The following SGCZ variants were observed in gnomAD, a reference collection of about 807,000 sequenced individuals.
SGCZ encodes the protein sarcoglycan zeta.
Under a neutral mutation model 41.3 loss-of-function variants are expected in SGCZ, and 40 were observed. That is an observed-to-expected ratio of 0.97 (90% CI 0.75 to 1.26). SGCZ has a LOEUF of 1.26. SGCZ is among the 50% of genes most tolerant of loss of function. The pLI, the probability that SGCZ is intolerant of heterozygous loss-of-function variation, is 0.00. For synonymous variants in SGCZ, 206 were observed against 137.5 expected (o/e 1.50, Z -3.49); for missense variants, 552 against 369.8 (o/e 1.49, Z -4.04).
intron 1 of SGCZ, among the ~76,000 whole-genome samples, chr8:15,076,660 A>G (rs1805542347): frequency 6.6e-6 from 1 of 152,246 alleles, no homozygotes; most frequent in Middle Eastern, 3.4e-3. Context: ...CAAACCAGCC[A>G]GAAGGTAGAG....
At chr8:14,140,757 A>G (rs1803344310) in intron 5 of SGCZ, among the ~76,000 whole-genome samples, 1 of 152,186 alleles carries the variant, frequency 6.6e-6, no homozygotes, top group Admixed American at 6.5e-5. Flanking sequence ...AAGGTAATTT[A>G]TAGATTCAAT....
intron 1 of SGCZ, among the ~76,000 whole-genome samples, chr8:15,234,239 G>A (rs1563199088): frequency 1.3e-5 from 2 of 152,124 alleles, no homozygotes; most frequent in South Asian, 2.1e-4. Flanking sequence ...GTTAAATCTC[G>A]ACTGCTAAAA....
At chr8:14,835,855 T>C (rs1236303072) in intron 1 of SGCZ, among the ~76,000 whole-genome samples, 4 of 152,184 alleles carry the variant, frequency 2.6e-5, no homozygotes, top group African/African-American at 4.8e-5. Context: ...CATTACAAAG[T>C]CTTAAAAATA....
chr8:14,957,684 T>A (rs1454567402), intron 1 of SGCZ, among the ~76,000 whole-genome samples: 4 of 152,044 alleles, frequency 2.6e-5, no homozygotes, highest in African/African-American at 9.7e-5. Context: ...GTAATTATTT[T>A]AATCCCTCTA....
intron 2 of SGCZ, among the ~76,000 whole-genome samples, chr8:14,536,146 G>A (rs1361612435): frequency 6.6e-6 from 1 of 151,826 alleles, no homozygotes; most frequent in African/African-American, 2.4e-5. Flanking sequence ...CATATGAAAA[G>A]TATTTTGAAG....
At chr8:14,212,997 A>C (rs915313775) in intron 4 of SGCZ, among the ~76,000 whole-genome samples, 2 of 152,150 alleles carry the variant, frequency 1.3e-5, no homozygotes, top group Non-Finnish European at 2.9e-5. Context: ...GCATCAAGAC[A>C]GATCAATAGG....
At chr8:14,830,054 C>T (rs1802474344) in intron 1 of SGCZ, among the ~76,000 whole-genome samples, 1 of 152,216 alleles carries the variant, frequency 6.6e-6, no homozygotes, top group South Asian at 2.1e-4. Context: ...TCGTGATCTG[C>T]ACGCCTTGGC....
At chr8:14,547,710 C>T (rs948771673) in intron 2 of SGCZ, among the ~76,000 whole-genome samples, 1 of 151,782 alleles carries the variant, frequency 6.6e-6, no homozygotes, top group Admixed American at 6.7e-5. Context: ...AGATGAAGCA[C>T]CGAAGCCAGA....
intron 3 of SGCZ, among the ~76,000 whole-genome samples, chr8:14,285,946 A>T (rs112085426): frequency 8.5e-5 from 13 of 152,126 alleles, no homozygotes; most frequent in African/African-American, 2.4e-4. Flanking sequence ...TAGGAAACAC[A>T]TATGTTTTTG....
At chr8:14,280,010 C>A (rs919680668) in intron 3 of SGCZ, among the ~76,000 whole-genome samples, 1 of 151,816 alleles carries the variant, frequency 6.6e-6, no homozygotes, top group African/African-American at 2.4e-5. Context: ...ATTTTGCCAC[C>A]ATCTTTTTGA....
intron 2 of SGCZ, among the ~76,000 whole-genome samples, chr8:14,505,044 G>A (rs1170819032): frequency 6.6e-6 from 1 of 151,986 alleles, no homozygotes; most frequent in Non-Finnish European, 1.5e-5. Flanking sequence ...ATAAAATATG[G>A]AGGCTGAGGC....
chr8:15,083,157 G>A (rs185347365), intron 1 of SGCZ, among the ~76,000 whole-genome samples: 2 of 152,142 alleles, frequency 1.3e-5, no homozygotes, highest in African/African-American at 4.8e-5. Flanking sequence ...CAAGGAAATT[G>A]GAATTGTAAA....
intron 2 of SGCZ, among the ~76,000 whole-genome samples, chr8:14,539,441 G>A (rs1253158385): frequency 6.6e-6 from 1 of 151,980 alleles, no homozygotes. Context: ...AAGGAGGCAA[G>A]TTTTATTCTG....
chr8:14,369,020 A>AATGT (rs887075859), intron 2 of SGCZ, among the ~76,000 whole-genome samples: 3 of 100,812 alleles, frequency 3.0e-5, no homozygotes, highest in African/African-American at 8.1e-5. Flanking sequence ...GGCAAATGTA[A>AATGT]ATGTGTGTGT....
chr8:14,870,495 C>G (rs1804109581), intron 1 of SGCZ, among the ~76,000 whole-genome samples: 1 of 151,994 alleles, frequency 6.6e-6, no homozygotes, highest in Non-Finnish European at 1.5e-5. Context: ...AGAAGAAAAC[C>G]AAGGCAATAC....
At chr8:14,520,977 A>G (rs1436377213) in intron 2 of SGCZ, among the ~76,000 whole-genome samples, 1 of 152,154 alleles carries the variant, frequency 6.6e-6, no homozygotes, top group Non-Finnish European at 1.5e-5. Flanking sequence ...GCAGTATATA[A>G]TTGCTTTAAT....
intron 1 of SGCZ, among the ~76,000 whole-genome samples, chr8:14,969,824 T>C (rs1801234531): frequency 6.6e-6 from 1 of 152,102 alleles, no homozygotes; most frequent in African/African-American, 2.4e-5. Context: ...CAAATAAATA[T>C]GATATAGACA....
intron 1 of SGCZ, among the ~76,000 whole-genome samples, chr8:15,043,750 A>G (rs574961850): frequency 6.6e-6 from 1 of 152,264 alleles, no homozygotes; most frequent in South Asian, 2.1e-4. Flanking sequence ...AATATTTTAT[A>G]ATAAAATAAA....
intron 1 of SGCZ, among the ~76,000 whole-genome samples, chr8:15,170,814 A>G (rs780811043): frequency 3.9e-5 from 6 of 152,228 alleles, no homozygotes; most frequent in Non-Finnish European, 8.8e-5. Flanking sequence ...TAGACTTTTG[A>G]TATGGACTAT....
Sources: gnomAD v4.1 joint callset for allele counts (sites outside exome capture counted in the v4.1 genomes callset) on GRCh38, gnomAD v4.1.1 for gene constraint, MANE v1.5 for transcripts, NCBI Gene and HGNC (gene_info 2026-07-23, HGNC 2026-07-21) for gene names.